PPP4R3A: variants seen among roughly 807,000 people sequenced by gnomAD.
The protein encoded by PPP4R3A is serine/threonine-protein phosphatase 4 regulatory subunit 3A.
A neutral mutation model predicts 91.7 loss-of-function variants in PPP4R3A; 15 were observed. The observed-to-expected ratio is 0.16, with a 90% confidence interval of 0.11 to 0.25. PPP4R3A has a LOEUF of 0.25. Among genes scored for constraint, PPP4R3A ranks in the 10% least tolerant of loss-of-function variants. The pLI, the probability that PPP4R3A is intolerant of heterozygous loss-of-function variation, is 1.00. For synonymous variants in PPP4R3A, 377 were observed against 348.7 expected, an observed-to-expected ratio of 1.08 and a Z score of -0.91; for missense variants, 623 against 998.4, an observed-to-expected ratio of 0.62 and a Z score of 5.07.
Position 91,470,877 on chromosome 14 carries a change from C to T in PPP4R3A, c.1620G>A (p.Val540=). Reference sequence around the variant, plus strand: ...CATGCTTCGAGGCCATAAGAACTAGCACTCTCCGGAGGATATCCTTATTAA... The same window carrying T: ...CATGCTTCGAGGCCATAAGAACTAGTACTCTCCGGAGGATATCCTTATTAA... ...YIINKDILRR[V]LVLMASKHAF... is the part of the protein sequence containing the mutation. The change falls in exon 10 of 15, where the codon GTG becomes GTA. Residue 540 remains valine (V), a synonymous_variant. Coordinates refer to ENST00000554943, the MANE Select transcript of PPP4R3A (RefSeq NM_001366432.2). 6.2e-7 allele frequency: 1 copy of T among 1,611,524 alleles called. No homozygotes were observed. Among genetic ancestry groups the T allele is most frequent in the South Asian group, 1.1e-5 (1 of 90,076 alleles).
chr14:91,507,888 G>A (rs529397020), intron 1 of PPP4R3A, among the ~76,000 whole-genome samples: 4 of 151,980 alleles, frequency 2.6e-5, no homozygotes, highest in Non-Finnish European at 5.9e-5. Context: ...CCGGGAGGCC[G>A]AGGCGGGTGG....
chr14:91,480,377 G>A (rs901384482), intron 4 of PPP4R3A, among the ~76,000 whole-genome samples: 8 of 152,060 alleles, frequency 5.3e-5, no homozygotes, highest in African/African-American at 1.2e-4. Flanking sequence ...AGTGACAGAC[G>A]GAGCTGAAAC....
chr14:91,473,366 A>T lies in PPP4R3A; in HGVS notation c.1271T>A (p.Ile424Asn), dbSNP rs143493713. The T allele has an allele frequency of 2.2e-5, 35 of 1,609,116 alleles. No homozygotes were observed. Among genetic ancestry groups the T allele is most frequent in the Non-Finnish European group, 3.4e-6 (4 of 1,178,812 alleles). ...LTEQKITSKD[I>N]LLINLIIEHM... ...TTCTATAATGAGGTTGATGAGCAAAATATCCTGGAGAGAAAAATAGACATA... is the reference window on the plus strand; with the variant it reads ...TTCTATAATGAGGTTGATGAGCAAATTATCCTGGAGAGAAAAATAGACATA... Residue 424 changes from isoleucine to asparagine, a missense_variant, in exon 8 of 15, where the codon ATT (isoleucine) becomes AAT (asparagine). Ile to Asn is a moderately radical substitution (Grantham distance 149). Transcript: ENST00000554943.
chr14:91,472,516 T>C (rs1888914871), intron 9 of PPP4R3A, among the ~76,000 whole-genome samples: 1 of 146,292 alleles, frequency 6.8e-6, no homozygotes, highest in Admixed American at 7.2e-5. Flanking sequence ...CTGGATGGAG[T>C]GCAGTGGGGC....
chr14:91,458,776 C>T lies in PPP4R3A; in HGVS notation c.2485G>A (p.Ala829Thr), dbSNP rs1887928035. The T allele has an allele frequency of 2.5e-6, 4 of 1,614,084 alleles. No individual in the cohort carries two copies. The highest frequency in any genetic ancestry group is 3.4e-6 in the Non-Finnish European group (4 of 1,180,012). ...KEDTLPLSKK[A>T]KFDS ...TGCCATTATTATGAATCAAATTTTG[C>T]TTTCTTTGACAATGGTAACGTATCT... Residue 829 changes from alanine to threonine, a missense_variant, in exon 15 of 15, where the codon GCA (alanine) becomes ACA (threonine). Ala to Thr is a moderately conservative substitution (Grantham distance 58). Around this residue, in one of 5 missense-constraint regions of PPP4R3A, gnomAD observed 201 missense variants for 229.9 expected, o/e 0.87. Transcript: ENST00000554943.
Position 91,509,805 on chromosome 14 carries a change from T to C in PPP4R3A, c.-158A>G, listed in dbSNP as rs1216915997. 32 of 1,227,692 alleles carry C rather than the reference T, an allele frequency of 2.6e-5. No homozygotes were observed. The highest frequency in any genetic ancestry group is 3.1e-5 in the Non-Finnish European group (31 of 988,210). The allele number at this position is 1,227,692 out of a possible 1,614,324, so 76.0% of individuals were successfully genotyped here. The stretch of plus-strand genomic sequence containing the variant: ...CCGCGGGGCCGCGCCGCCGCCTGCA[T>C]GGCCCGCTCCAGGGACCGAGCTCTG... On this transcript the variant is annotated 5_prime_UTR_variant, in exon 1 of 15. An upstream start codon of the reference 5' UTR is lost. Transcript: ENST00000554943.
intron 1 of PPP4R3A, among the ~76,000 whole-genome samples, chr14:91,501,675 C>G (rs970255673): frequency 6.0e-5 from 9 of 148,790 alleles, no homozygotes; most frequent in Non-Finnish European, 1.2e-4. Context: ...CAATGGGGCC[C>G]AAAATCTCAT....
Position 91,482,033 on chromosome 14 carries a change from G to A in PPP4R3A, c.458C>T (p.Ser153Leu). 6.2e-7 allele frequency: 1 copy of A among 1,614,022 alleles called. No homozygotes were observed. Among genetic ancestry groups the A allele is most frequent in the Non-Finnish European group, 8.5e-7 (1 of 1,180,026 alleles). Residue 153 changes from serine (S) to leucine (L), a missense_variant, in exon 4 of 15, where the codon TCA (serine) becomes TTA (leucine). By Grantham distance (145) the Ser-to-Leu change is moderately radical. This residue lies in a region of PPP4R3A where 264 missense variants were observed against 377.3 expected (regional missense o/e 0.70). Transcript: ENST00000554943. Reference protein sequence around the residue: ...IAELVASSLPSPLRREKLALA... With the variant: ...IAELVASSLPLPLRREKLALA... ...TGCAAGTTTTTCACGACGAAGAGGT[G>A]AAGGTAAAGATGATGCCACAAGTTC...
rs1891725023 is a variant in PPP4R3A at position 91,510,297 on chromosome 14, C to T, written c.-650G>A. 1.3e-5 allele frequency: 2 copies of T among 152,828 alleles called. No individual in the cohort carries two copies. The highest frequency in any genetic ancestry group is 6.5e-5 in the Admixed American group (1 of 15,294). The allele number at this position is 152,828 out of a possible 1,614,324, so 9.5% of individuals were successfully genotyped here. A position where few individuals can be genotyped will look rare whatever the true frequency, so the allele number is the denominator to read the frequency against. On this transcript the variant is annotated 5_prime_UTR_variant, in exon 1 of 15. Transcript: ENST00000554943. ...AAACCGCCGCCATCTTGGTTCGCCC[C>T]TCAAAAGCGGCGCGCGGGGCCACCC...
chr14:91,508,712 G>A lies in PPP4R3A; in HGVS notation c.142+794C>T, dbSNP rs768486433. Among the ~76,000 whole-genome samples, 43 of 152,120 alleles carry A rather than the reference G, an allele frequency of 2.8e-4. 1 individual carries two copies. Among genetic ancestry groups the A allele is most frequent in the Non-Finnish European group, 5.6e-4 (38 of 68,034 alleles). On this transcript the variant is annotated intron_variant, in intron 1 of 14. Transcript: ENST00000554943. ...AACAACTTAGTCTTTGAACCTTGAG[G>A]GCTGTTTCAAAATTTGTGAAGCATA...
intron 13 of PPP4R3A, 200 bp from the exon 14 acceptor site, chr14:91,461,807 C>T (rs1888178130): frequency 1.2e-6 from 1 of 853,546 alleles, no homozygotes; most frequent in African/African-American, 1.7e-5. Flanking sequence ...TTGAAACCTT[C>T]AGAATCATAT....
At chr14:91,506,179 C>T (rs1219340508) in intron 1 of PPP4R3A, among the ~76,000 whole-genome samples, 1 of 152,194 alleles carries the variant, frequency 6.6e-6, no homozygotes, top group Non-Finnish European at 1.5e-5. Context: ...GATCTCCTGA[C>T]CTTGTGATCT....
At chr14:91,462,324 A>C (rs1888211368) in intron 12 of PPP4R3A, 85 bp from the exon 13 acceptor site, 1 of 1,273,064 alleles carries the variant, frequency 7.9e-7, no homozygotes, top group Non-Finnish European at 1.0e-6. Context: ...TTGTTAACAT[A>C]GGGAATTAAC....
intron 3 of PPP4R3A, among the ~76,000 whole-genome samples, chr14:91,482,476 A>C (rs907752199): frequency 6.6e-6 from 1 of 152,174 alleles, no homozygotes; most frequent in Non-Finnish European, 1.5e-5. Context: ...GACTGTTACG[A>C]AACAGCCCTC....
At position 91,462,082 on chromosome 14, in the gene PPP4R3A, C is replaced by G; in HGVS notation, c.2131G>C (p.Asp711His). The G allele has an allele frequency of 6.5e-7, 1 of 1,534,092 alleles. No individual in the cohort carries two copies. Among genetic ancestry groups the G allele is most frequent in the Non-Finnish European group, 8.7e-7 (1 of 1,146,562 alleles). Residue 711 changes from aspartate to histidine, a missense_variant, in exon 13 of 15, where the codon GAT (aspartate) becomes CAT (histidine). This residue lies in a region of PPP4R3A where 201 missense variants were observed against 229.9 expected (regional missense o/e 0.87). Coordinates refer to ENST00000554943, the MANE Select transcript of PPP4R3A (RefSeq NM_001366432.2). ...DKTKNDDDIM[D>H]PISKFMERKK... ...CTTTCCATGAATTTACTTATTGGAT[C>G]CATAATATCATCATCATTTTTAGTT... is the stretch of plus-strand genomic sequence containing the variant.
At position 91,465,199 on chromosome 14, in the gene PPP4R3A, A is replaced by G. The variant is rs1888402430; in HGVS notation, c.1830+51T>C. On this transcript the variant is annotated intron_variant, in intron 11 of 14. Coordinates refer to ENST00000554943, the MANE Select transcript of PPP4R3A (RefSeq NM_001366432.2). ...CAAAATACTAGGTAATGCATATTCA[A>G]TTTTCTCAAACAATTAAAATGAAAA... 3.6e-6 allele frequency: 5 copies of G among 1,395,892 alleles called. No homozygotes were observed. In the East Asian group the frequency reaches 7.5e-5, roughly 21 times the overall value. 86.5% of individuals were successfully genotyped at this position (1,395,892 alleles called of 1,614,324 possible).
At position 91,473,106 on chromosome 14, in the gene PPP4R3A, G is replaced by C. The variant is rs774507308; in HGVS notation, c.1428C>G (p.Phe476Leu). The C allele has an allele frequency of 6.2e-7, 1 of 1,614,018 alleles. No homozygotes were observed. Among genetic ancestry groups the C allele is most frequent in the South Asian group, 1.1e-5 (1 of 91,074 alleles). ...GAACATGCATACAGTGCTTGTAGAA[G>C]AAACCCAGAAATTCAGTCTTTTCTG... is the stretch of plus-strand genomic sequence containing the variant. ...NKTEKTEFLG[F>L]FYKHCMHVLT... The change falls in exon 9 of 15, where the codon TTC (phenylalanine) becomes TTG (leucine). Residue 476 changes from phenylalanine (F) to leucine (L), a missense_variant. By Grantham distance (22) the Phe-to-Leu change is conservative (BLOSUM62 0). Around this residue, in one of 5 missense-constraint regions of PPP4R3A, gnomAD observed 87 missense variants for 233.9 expected, o/e 0.37. Coordinates refer to ENST00000554943, the MANE Select transcript of PPP4R3A (RefSeq NM_001366432.2).
At chr14:91,463,966 T>C (rs542200267) in intron 11 of PPP4R3A, among the ~76,000 whole-genome samples, 25 of 152,160 alleles carry the variant, frequency 1.6e-4, no homozygotes, top group Non-Finnish European at 2.5e-4. Flanking sequence ...TTTATTTCCA[T>C]GTGTACTCAA....
chr14:91,508,021 A>G (rs1221305479), intron 1 of PPP4R3A, among the ~76,000 whole-genome samples: 1 of 152,184 alleles, frequency 6.6e-6, no homozygotes, highest in African/African-American at 2.4e-5. Context: ...AGAAGCTGAT[A>G]CAAAAAGTCC....
Sources: allele counts gnomAD v4.1 joint callset (sites outside exome capture counted in the v4.1 genomes callset), GRCh38; gene constraint gnomAD v4.1.1; regional missense constraint gnomAD v4.1.1; transcripts MANE v1.5; gene names NCBI Gene and HGNC (gene_info 2026-07-23, HGNC 2026-07-21).